ZGRF1: variants seen among roughly 807,000 people sequenced by gnomAD.
ZGRF1 encodes the protein zinc finger GRF-type containing 1.
ZGRF1 carries 196 observed loss-of-function variants against 203.5 expected under a neutral mutation model. That is an observed-to-expected ratio of 0.96 (90% CI 0.86 to 1.08). The LOEUF (loss-of-function observed/expected upper bound fraction) is 1.08. Among genes scored for constraint, ZGRF1 ranks in the 50% least tolerant of loss-of-function variants. ZGRF1 has a pLI of 0.00. For missense variants in ZGRF1, 2,326 were observed against 2,416.3 expected (o/e 0.96, Z 0.78); for synonymous variants, 809 against 841.3 (o/e 0.96, Z 0.66).
chr4:112,634,623 C>A lies in ZGRF1; in HGVS notation c.-66-1381G>T, dbSNP rs539244606. On this transcript the variant is annotated intron_variant, in intron 1 of 27. Coordinates refer to ENST00000505019, the MANE Select transcript of ZGRF1 (RefSeq NM_018392.5). Reference sequence around the variant, plus strand: ...CCGAGATCACGCCACTGCACTCCAGCCTGGGCGACAAGAGCAAAACTGTCT... The same window carrying A: ...CCGAGATCACGCCACTGCACTCCAGACTGGGCGACAAGAGCAAAACTGTCT... Among the ~76,000 whole-genome samples, 14 of 151,886 alleles carry A rather than the reference C, an allele frequency of 9.2e-5. No individual in the cohort carries two copies. The South Asian group carries it at 2.9e-3, about 32-fold the overall frequency.
rs144197483 is a variant in ZGRF1, at chr4:112,628,962, T to G, written c.102+2968A>C. ...ATATGGATATGCAAAGACCTGAATA[T>G]TCATCTATTTAAATTAGAAGAATTA... On this transcript the variant is annotated intron_variant, in intron 3 of 27. Coordinates refer to ENST00000505019, the MANE Select transcript of ZGRF1 (RefSeq NM_018392.5). 7.7e-3 allele frequency: 2,572 copies of G among 333,796 alleles called. 25 individuals carry two copies. The highest frequency in any genetic ancestry group is 0.027 in the Middle Eastern group (26 of 946). The allele number at this position is 333,796 out of a possible 1,614,324, so 20.7% of individuals were successfully genotyped here. A position where few individuals can be genotyped will look rare whatever the true frequency, so the allele number is the denominator to read the frequency against.
At chr4:112,613,128 T>C (rs1436928071) in intron 6 of ZGRF1, among the ~76,000 whole-genome samples, 2 of 152,156 alleles carry the variant, frequency 1.3e-5, no homozygotes, top group East Asian at 1.9e-4. Flanking sequence ...ACCTTGTCTC[T>C]ACTAAAAATA....
chr4:112,561,833 T>C (rs1742034359), intron 18 of ZGRF1, among the ~76,000 whole-genome samples: 1 of 151,248 alleles, frequency 6.6e-6, no homozygotes, highest in African/African-American at 2.4e-5. Flanking sequence ...TATCTCTTGA[T>C]GAAGTGAAAA....
chr4:112,583,973 C>T lies in ZGRF1; in HGVS notation c.4298+5G>A. On this transcript the variant is annotated splice_donor_5th_base_variant and intron_variant, in intron 15 of 27. Transcript: ENST00000505019. ...CAGGCAATTATTTGGTACTATAAAA[C>T]ATACCTCACCAAAAGCTGGCATTCC... The T allele has an allele frequency of 1.3e-6, 2 of 1,585,936 alleles. No homozygotes were observed. Among genetic ancestry groups the T allele is most frequent in the South Asian group, 1.1e-5 (1 of 87,082 alleles).
intron 10 of ZGRF1, among the ~76,000 whole-genome samples, chr4:112,592,065 A>G (rs908408955): frequency 6.7e-6 from 1 of 149,574 alleles, no homozygotes; most frequent in Admixed American, 6.7e-5. Flanking sequence ...TGCTACATAC[A>G]TGGTCTCCAT....
At chr4:112,569,833 G>A (rs1323756005) in intron 16 of ZGRF1, among the ~76,000 whole-genome samples, 2 of 151,638 alleles carry the variant, frequency 1.3e-5, no homozygotes, top group East Asian at 3.9e-4. Flanking sequence ...TATGAAGAAA[G>A]AAAGATAAAA....
chr4:112,569,150 C>T (rs187818919), intron 16 of ZGRF1, among the ~76,000 whole-genome samples: 1 of 152,248 alleles, frequency 6.6e-6, no homozygotes, highest in Admixed American at 6.5e-5. Context: ...AGGAAAAGAA[C>T]TTAGAACCTA....
intron 24 of ZGRF1, among the ~76,000 whole-genome samples, chr4:112,542,606 C>T (rs1315586525): frequency 1.3e-5 from 2 of 151,752 alleles, no homozygotes; most frequent in Non-Finnish European, 2.9e-5. Flanking sequence ...TTGTTTTTAC[C>T]TTTTTTCTTT....
chr4:112,543,995 T>A (rs1350077465), intron 24 of ZGRF1, among the ~76,000 whole-genome samples: 1 of 132,218 alleles, frequency 7.6e-6, no homozygotes, highest in Non-Finnish European at 1.7e-5. Context: ...AGCCCTTTTT[T>A]AAGATAATTT....
chr4:112,569,370 CAAAATACAGCT>C lies in ZGRF1; in HGVS notation c.4439-6107_4439-6097del, dbSNP rs548647588. Among the ~76,000 whole-genome samples, 29 of 152,250 alleles carry C rather than the reference CAAAATACAGCT, an allele frequency of 1.9e-4. No homozygotes were observed. In the South Asian group the frequency reaches 6.0e-3, roughly 32 times the overall value. On this transcript the variant is annotated intron_variant, in intron 16 of 27. Coordinates refer to ENST00000505019, the MANE Select transcript of ZGRF1 (RefSeq NM_018392.5). ...TTCAGAAAGCTTGCTACAAATAAAA[CAAAATACAGCT>C]AAACTAAACAGCATGCTAATGATAT...
In ZGRF1 at chr4:112,609,423, T is replaced by A. The variant is rs1424438580; in HGVS notation, c.2674A>T (p.Lys892Ter). 3 of 1,533,896 alleles carry A rather than the reference T, an allele frequency of 2.0e-6. No homozygotes were observed. The highest frequency in any genetic ancestry group is 2.7e-6 in the Non-Finnish European group (3 of 1,114,274). ...TCACTTAGTTCAACTTCATCTTCTT[T>A]TAGTATCTTAGGAATAGAATATTAA... ...HLHKDSQQIL[K>*]EDEVELSEPL... Residue 892 changes from lysine (K) to a stop codon, truncating the protein, a stop_gained, in exon 8 of 28, where the codon AAA becomes TAA. Transcript: ENST00000505019. LOFTEE classifies it high-confidence loss of function.
At chr4:112,544,027 T>A (rs959789240) in intron 24 of ZGRF1, among the ~76,000 whole-genome samples, 20 of 152,138 alleles carry the variant, frequency 1.3e-4, no homozygotes, top group East Asian at 3.9e-4. Context: ...AGATTTTTTT[T>A]AAAAAGCCAT....
At chr4:112,559,438 G>A (rs964135732) in intron 19 of ZGRF1, among the ~76,000 whole-genome samples, 1 of 152,088 alleles carries the variant, frequency 6.6e-6, no homozygotes, top group African/African-American at 2.4e-5. Flanking sequence ...GAGCTTAAGC[G>A]AGCTACCCTC....
At chr4:112,551,122 C>T (rs1739872060) in intron 22 of ZGRF1, among the ~76,000 whole-genome samples, 1 of 152,062 alleles carries the variant, frequency 6.6e-6, no homozygotes, top group African/African-American at 2.4e-5. Flanking sequence ...TATTTTATAC[C>T]ATATTTTCAC....
chr4:112,588,664 C>A (rs2149031323), intron 11 of ZGRF1, among the ~76,000 whole-genome samples: 1 of 152,214 alleles, frequency 6.6e-6, no homozygotes, highest in Admixed American at 6.5e-5. Context: ...AATACTGCAT[C>A]AGAATTATGC....
Position 112,578,452 on chromosome 4 carries a change from A to C in ZGRF1, c.4438+3211T>G, listed in dbSNP as rs1273283634. Among the ~76,000 whole-genome samples, 6 of 111,892 alleles carry C rather than the reference A, an allele frequency of 5.4e-5. 2 individuals are homozygous for C. The highest frequency in any genetic ancestry group is 1.7e-4 in the African/African-American group (6 of 34,454). 73.4% of individuals were successfully genotyped at this position (111,892 alleles called of 152,430 possible). ...AGAACTGAAGGAAATAGAGACACAAAAAACCCTTCAAAAAATCAATGAATC... is the reference window on the plus strand; with the variant it reads ...AGAACTGAAGGAAATAGAGACACAACAAACCCTTCAAAAAATCAATGAATC... On this transcript the variant is annotated intron_variant, in intron 16 of 27. Transcript: ENST00000505019.
intron 23 of ZGRF1, 27 bp from the exon 24 acceptor site, chr4:112,547,435 T>G: frequency 1.3e-6 from 2 of 1,586,774 alleles, no homozygotes; most frequent in Non-Finnish European, 1.7e-6. Flanking sequence ...AAAATTAATC[T>G]AAGCAATTAA....
At chr4:112,610,229 T>G (rs1166631672) in intron 7 of ZGRF1, among the ~76,000 whole-genome samples, 1 of 152,108 alleles carries the variant, frequency 6.6e-6, no homozygotes, top group Non-Finnish European at 1.5e-5. Flanking sequence ...CTAGTAAAAA[T>G]GAAGTAAAAT....
At chr4:112,566,295 A>T (rs1171857300) in intron 16 of ZGRF1, among the ~76,000 whole-genome samples, 2 of 137,262 alleles carry the variant, frequency 1.5e-5, no homozygotes, top group Non-Finnish European at 1.5e-5. Flanking sequence ...AACAATGAGA[A>T]CACATGGACA....
Sources: gnomAD v4.1 joint callset for allele counts (sites outside exome capture counted in the v4.1 genomes callset) on GRCh38, gnomAD v4.1.1 for gene constraint, MANE v1.5 for transcripts, NCBI Gene and HGNC (gene_info 2026-07-23, HGNC 2026-07-21) for gene names.